CNTN3: variants seen among roughly 807,000 people sequenced by gnomAD.
CNTN3 encodes the protein contactin 3.
In CNTN3, 60 loss-of-function variants were observed where a neutral mutation model predicts 119.1. The ratio of observed to expected loss-of-function variants is 0.50; its 90% CI spans 0.41 to 0.62. CNTN3 has a LOEUF of 0.62. Among genes scored for constraint, CNTN3 ranks in the 20% least tolerant of loss-of-function variants. CNTN3 has a pLI of 0.00. For missense variants in CNTN3, 1,101 were observed against 1,242.4 expected, an observed-to-expected ratio of 0.89 and a Z score of 1.71; for synonymous variants, 450 against 438.7, an observed-to-expected ratio of 1.03 and a Z score of -0.32.
At chr3:74,444,931 C>T (rs1437886488) in intron 4 of CNTN3, among the ~76,000 whole-genome samples, 1 of 152,086 alleles carries the variant, frequency 6.6e-6, no homozygotes, top group Non-Finnish European at 1.5e-5. Context: ...ACCAAAATCT[C>T]TTCCCCACAA....
chr3:74,301,878 A>G, intron 14 of CNTN3, 73 bp from the exon 15 acceptor site: 1 of 1,507,642 alleles, frequency 6.6e-7, no homozygotes, highest in South Asian at 1.2e-5. Flanking sequence ...AAGAGAAGAG[A>G]ATGTCACATG....
At chr3:74,409,613 G>A (rs1230608980) in intron 5 of CNTN3, among the ~76,000 whole-genome samples, 2 of 151,894 alleles carry the variant, frequency 1.3e-5, no homozygotes, top group Non-Finnish European at 2.9e-5. Context: ...ACAAGAACTG[G>A]AAGTTCACAA....
At chr3:74,305,573 T>C (rs936127109) in intron 13 of CNTN3, among the ~76,000 whole-genome samples, 1 of 151,868 alleles carries the variant, frequency 6.6e-6, no homozygotes, top group Admixed American at 6.6e-5. Context: ...GCCACAAAAA[T>C]GAATGAACTG....
intron 1 of CNTN3, among the ~76,000 whole-genome samples, chr3:74,609,649 T>C (rs1705048000): frequency 6.6e-6 from 1 of 152,178 alleles, no homozygotes; most frequent in Admixed American, 6.5e-5. Flanking sequence ...ACAGAAAGAA[T>C]ACTGTCAAAG....
At chr3:74,344,916 C>G (rs1265008043) in intron 11 of CNTN3, among the ~76,000 whole-genome samples, 2 of 151,864 alleles carry the variant, frequency 1.3e-5, no homozygotes, top group Non-Finnish European at 2.9e-5. Flanking sequence ...TTTCATACAA[C>G]TGAGGAGGGG....
At chr3:74,456,824 T>C (rs1382649980) in intron 4 of CNTN3, among the ~76,000 whole-genome samples, 1 of 152,118 alleles carries the variant, frequency 6.6e-6, no homozygotes, top group African/African-American at 2.4e-5. Context: ...TCATTTCATG[T>C]AGCACAGAGT....
At chr3:74,451,958 A>G (rs1189655424) in intron 4 of CNTN3, among the ~76,000 whole-genome samples, 1 of 122,692 alleles carries the variant, frequency 8.2e-6, no homozygotes, top group African/African-American at 3.5e-5. Flanking sequence ...TGAGGCCTCC[A>G]GCTTTGTTCT....
At position 74,336,596 on chromosome 3, in the gene CNTN3, G is replaced by C. The variant is rs780105765; in HGVS notation, c.1427C>G (p.Thr476Ser). 6.8e-6 allele frequency: 11 copies of C among 1,612,588 alleles called. No individual in the cohort carries two copies. Among genetic ancestry groups the C allele is most frequent in the Non-Finnish European group, 9.3e-6 (11 of 1,178,864 alleles). ...CTGGTTTTCTGCCATGCAGGTGTAA[G>C]TTCCAGCATCAGCTTTAGTCACATT... ...IANVTKADAGTYTCMAENQFG... is the reference protein window; with the variant it reads ...IANVTKADAGSYTCMAENQFG... The change falls in exon 12 of 23, where the codon ACT becomes AGT. Residue 476 changes from threonine (T) to serine (S), a missense_variant. By Grantham distance (58) the Thr-to-Ser change is moderately conservative. Transcript: ENST00000263665.
chr3:74,337,863 G>C (rs548307540), intron 11 of CNTN3, among the ~76,000 whole-genome samples: 96 of 152,016 alleles, frequency 6.3e-4, no homozygotes, highest in Admixed American at 2.4e-3. Flanking sequence ...AATTACTTTA[G>C]GAGGAAGGGT....
chr3:74,536,926 C>T (rs1703773340), intron 1 of CNTN3, among the ~76,000 whole-genome samples: 1 of 151,938 alleles, frequency 6.6e-6, no homozygotes, highest in East Asian at 1.9e-4. Context: ...GGTGCCTACC[C>T]ACTCACTAAA....
At chr3:74,592,052 CAT>C (rs1221798478) in intron 1 of CNTN3, among the ~76,000 whole-genome samples, 1 of 151,844 alleles carries the variant, frequency 6.6e-6, no homozygotes, top group Non-Finnish European at 1.5e-5. Context: ...GCTGGAGACA[CAT>C]AAAAAATCTC....
intron 1 of CNTN3, among the ~76,000 whole-genome samples, chr3:74,535,001 A>G (rs984551090): frequency 6.6e-6 from 1 of 152,060 alleles, no homozygotes; most frequent in Admixed American, 6.6e-5. Context: ...GGTTACTGCT[A>G]TGATTTCAAA....
chr3:74,337,248 A>C (rs1261985343), intron 11 of CNTN3, among the ~76,000 whole-genome samples: 1 of 152,118 alleles, frequency 6.6e-6, no homozygotes, highest in Non-Finnish European at 1.5e-5. Flanking sequence ...GTATACACTT[A>C]GAGTACTCAA....
At chr3:74,504,232 CA>C (rs1703213688) in intron 2 of CNTN3, among the ~76,000 whole-genome samples, 1 of 151,972 alleles carries the variant, frequency 6.6e-6, no homozygotes, top group Admixed American at 6.6e-5. Flanking sequence ...CAGTGCATTT[CA>C]AAACACAGGG....
intron 20 of CNTN3, among the ~76,000 whole-genome samples, chr3:74,284,559 A>C (rs544535060): frequency 1.3e-5 from 2 of 152,318 alleles, no homozygotes; most frequent in South Asian, 4.1e-4. Flanking sequence ...CTATTAGCTA[A>C]GATGAGGGCA....
intron 3 of CNTN3, among the ~76,000 whole-genome samples, chr3:74,488,353 T>C (rs1702898166): frequency 6.6e-6 from 1 of 152,110 alleles, no homozygotes; most frequent in South Asian, 2.1e-4. Context: ...GACCTCGTGA[T>C]CCGCCCAGCT....
At chr3:74,428,547 A>T (rs1378585197) in intron 4 of CNTN3, among the ~76,000 whole-genome samples, 1 of 152,244 alleles carries the variant, frequency 6.6e-6, no homozygotes, top group African/African-American at 2.4e-5. Flanking sequence ...AAAATAGTTT[A>T]GTAAAGCTCC....
At chr3:74,498,124 A>G (rs1050038473) in intron 3 of CNTN3, among the ~76,000 whole-genome samples, 4 of 151,878 alleles carry the variant, frequency 2.6e-5, no homozygotes, top group African/African-American at 9.7e-5. Context: ...TTTACTGACA[A>G]CAGAAAAACA....
chr3:74,574,927 T>C (rs1704390186), intron 1 of CNTN3, among the ~76,000 whole-genome samples: 1 of 124,626 alleles, frequency 8.0e-6, no homozygotes, highest in Non-Finnish European at 1.7e-5. Flanking sequence ...AGCATTTTCT[T>C]TTTTTTTTTT....
Sources: allele counts gnomAD v4.1 joint callset (sites outside exome capture counted in the v4.1 genomes callset), GRCh38; gene constraint gnomAD v4.1.1; transcripts MANE v1.5; gene names NCBI Gene and HGNC (gene_info 2026-07-23, HGNC 2026-07-21).